TMEM117: variants seen among roughly 807,000 people sequenced by gnomAD.
TMEM117 encodes transmembrane protein 117.
A neutral mutation model predicts 52.4 loss-of-function variants in TMEM117; 27 were observed. The ratio of observed to expected loss-of-function variants is 0.51; its 90% CI spans 0.38 to 0.71. TMEM117 has a LOEUF of 0.71. Ranked by LOEUF, TMEM117 falls within the 30% of genes least tolerant of loss-of-function variation. The pLI is 0.00. For missense variants in TMEM117, 556 were observed against 630.5 expected, an observed-to-expected ratio of 0.88 and a Z score of 1.26; for synonymous variants, 215 against 206.3, an observed-to-expected ratio of 1.04 and a Z score of -0.36.
intron 3 of TMEM117, among the ~76,000 whole-genome samples, chr12:44,005,393 C>G (rs2137790569): frequency 6.6e-6 from 1 of 152,340 alleles, no homozygotes; most frequent in South Asian, 2.1e-4. Context: ...TACCTTCCAA[C>G]TTCCTTTGAC....
At chr12:43,906,348 A>G (rs561529347) in intron 2 of TMEM117, among the ~76,000 whole-genome samples, 140 of 152,180 alleles carry the variant, frequency 9.2e-4, no homozygotes, top group Admixed American at 5.2e-3. Context: ...CTGTAATCCC[A>G]GCTACTCGGG....
intron 3 of TMEM117, among the ~76,000 whole-genome samples, chr12:44,131,227 C>T (rs1284170439): frequency 6.6e-6 from 1 of 152,042 alleles, no homozygotes; most frequent in African/African-American, 2.4e-5. Flanking sequence ...TTTACTCTGC[C>T]TCATTGAGGT....
chr12:43,849,014 G>T (rs1334400856), intron 2 of TMEM117, among the ~76,000 whole-genome samples: 1 of 152,190 alleles, frequency 6.6e-6, no homozygotes, highest in Non-Finnish European at 1.5e-5. Context: ...CCATTCTTTA[G>T]TAGTGATTCC....
At chr12:44,126,754 T>A (rs979992375) in intron 3 of TMEM117, among the ~76,000 whole-genome samples, 1 of 152,212 alleles carries the variant, frequency 6.6e-6, no homozygotes, top group Non-Finnish European at 1.5e-5. Context: ...TCAAGAGGAT[T>A]TTAAAATGAA....
intron 4 of TMEM117, among the ~76,000 whole-genome samples, chr12:44,186,098 AATG>A (rs1279956859): frequency 3.3e-5 from 5 of 152,212 alleles, no homozygotes; most frequent in Non-Finnish European, 4.4e-5. Context: ...TGGAATGCAG[AATG>A]ATCAGCAAAT....
At chr12:43,839,277 G>C (rs1020904324) in intron 1 of TMEM117, among the ~76,000 whole-genome samples, 1 of 152,066 alleles carries the variant, frequency 6.6e-6, no homozygotes, top group Non-Finnish European at 1.5e-5. Context: ...ATATAAGTCA[G>C]ATTGTGTCCC....
intron 6 of TMEM117, among the ~76,000 whole-genome samples, chr12:44,349,070 A>T (rs1352481212): frequency 6.6e-6 from 1 of 152,044 alleles, no homozygotes; most frequent in Non-Finnish European, 1.5e-5. Context: ...TTAATCAAGC[A>T]TAAATTTCTA....
rs563988144 is a variant in TMEM117 at position 43,887,028 on chromosome 12, C to T, written c.277+42100C>T. ...ACAACCAGCTAATTTTTATATGTTT[C>T]TGTAGAGATGGGGTTTTACCATGTT... is the stretch of plus-strand genomic sequence containing the variant. On this transcript the variant is annotated intron_variant, in intron 2 of 7. Coordinates refer to ENST00000266534, the MANE Select transcript of TMEM117 (RefSeq NM_032256.3). Among the ~76,000 whole-genome samples, 117 of 152,188 alleles carry T rather than the reference C, an allele frequency of 7.7e-4. 1 individual carries two copies. The highest frequency in any genetic ancestry group is 2.6e-3 in the African/African-American group (109 of 41,544).
At chr12:43,984,911 A>G (rs1416742561) in intron 3 of TMEM117, among the ~76,000 whole-genome samples, 1 of 152,206 alleles carries the variant, frequency 6.6e-6, no homozygotes, top group Non-Finnish European at 1.5e-5. Context: ...AGATTCTTTT[A>G]AAGAAATATC....
At chr12:44,026,894 T>A (rs1484693012) in intron 3 of TMEM117, among the ~76,000 whole-genome samples, 1 of 151,804 alleles carries the variant, frequency 6.6e-6, no homozygotes, top group African/African-American at 2.4e-5. Context: ...AAGACAATTA[T>A]CAAGACATTT....
intron 3 of TMEM117, among the ~76,000 whole-genome samples, chr12:44,103,273 A>G (rs755088927): frequency 5.6e-4 from 84 of 150,770 alleles, no homozygotes; most frequent in Non-Finnish European, 2.8e-4. Flanking sequence ...TATGGACAAC[A>G]TATTTTTGCC....
intron 6 of TMEM117, among the ~76,000 whole-genome samples, chr12:44,356,737 G>A (rs74085137): frequency 0.01 from 1,572 of 151,938 alleles, 24 homozygotes; most frequent in African/African-American, 0.035. Context: ...ATATGTTAAC[G>A]TCGGTGCCAT....
rs933022171 is a variant in TMEM117, at chr12:44,324,246, G to A, written c.768+24507G>A. ...TTGGCAAGTTGACTTCTGCTTGCCT[G>A]TAATTTCATTAATTTCTTTTCTTTC... On this transcript the variant is annotated intron_variant, in intron 6 of 7. Transcript: ENST00000266534. Among the ~76,000 whole-genome samples, 2 of 152,036 alleles carry A rather than the reference G, an allele frequency of 1.3e-5. 1 individual carries two copies. Among genetic ancestry groups the A allele is most frequent in the South Asian group, 4.1e-4 (2 of 4,824 alleles).
At chr12:43,806,026 C>G in the TMEM117 span, 1 of 1,521,850 alleles carries the variant, frequency 6.6e-7, no homozygotes. Flanking sequence ...GCAGCAGGGA[C>G]CGGGCTGGAG....
At chr12:43,938,295 G>T (rs1416111916) in intron 2 of TMEM117, among the ~76,000 whole-genome samples, 1 of 148,476 alleles carries the variant, frequency 6.7e-6, no homozygotes, top group Non-Finnish European at 1.5e-5. Context: ...ATATATATTA[G>T]CTAATCCTAA....
At chr12:44,294,396 T>G (rs1209947510) in intron 5 of TMEM117, among the ~76,000 whole-genome samples, 1 of 152,190 alleles carries the variant, frequency 6.6e-6, no homozygotes, top group Non-Finnish European at 1.5e-5. Flanking sequence ...ACAAACAAAT[T>G]TAATGCCTTT....
At chr12:43,997,057 T>C (rs942453509) in intron 3 of TMEM117, among the ~76,000 whole-genome samples, 1 of 152,196 alleles carries the variant, frequency 6.6e-6, no homozygotes, top group Non-Finnish European at 1.5e-5. Flanking sequence ...CTAGTTTGAG[T>C]TGGATTTCTG....
the TMEM117 span, among the ~76,000 whole-genome samples, chr12:43,823,506 T>TTTAG: frequency 6.6e-6 from 1 of 152,082 alleles, no homozygotes; most frequent in Non-Finnish European, 1.5e-5. Flanking sequence ...TTCATTTTTA[T>TTTAG]TTCTTTATTT....
chr12:43,943,341 C>T (rs1179052524), intron 2 of TMEM117, among the ~76,000 whole-genome samples: 2 of 152,078 alleles, frequency 1.3e-5, no homozygotes, highest in African/African-American at 2.4e-5. Context: ...GTGACCTATG[C>T]TCACTTCTTT....
Sources: allele counts gnomAD v4.1 joint callset (sites outside exome capture counted in the v4.1 genomes callset), GRCh38; gene constraint gnomAD v4.1.1; transcripts MANE v1.5; gene names NCBI Gene and HGNC (gene_info 2026-07-23, HGNC 2026-07-21).